Variants in CCDC85C observed in about 807,000 individuals in gnomAD.
CCDC85C encodes the protein coiled-coil domain-containing protein 85C.
In CCDC85C, 18 loss-of-function variants were observed where a neutral mutation model predicts 38.3. That is an observed-to-expected ratio of 0.47 (90% confidence interval 0.33 to 0.70). The LOEUF (loss-of-function observed/expected upper bound fraction) is 0.70. CCDC85C is among the 30% of genes least tolerant of loss of function. The probability of loss-of-function intolerance (pLI) is 0.03; values close to 1 mark genes in which losing one functional copy is unlikely to be tolerated. For synonymous variants in CCDC85C, 264 were observed against 293.8 expected, an observed-to-expected ratio of 0.90 and a Z score of 1.04; for missense variants, 566 against 621.2, an observed-to-expected ratio of 0.91 and a Z score of 0.94.
At chr14:99,555,617 A>G (rs1173547716) in intron 1 of CCDC85C, among the ~76,000 whole-genome samples, 2 of 152,230 alleles carry the variant, frequency 1.3e-5, no homozygotes, top group African/African-American at 4.8e-5. Flanking sequence ...CACTGAGGGA[A>G]AGGGGAAGCG....
rs374543000 is a variant in CCDC85C, at chr14:99,560,249, C to A, written c.794-24161G>T. On this transcript the variant is annotated intron_variant, in intron 1 of 5. Transcript: ENST00000380243. ...AGCCCTCATGCCTGCCTCATGCCTG[C>A]GGGCACCAACGCTGCAGCCAGGGCT... is the stretch of plus-strand genomic sequence containing the variant. Among the ~76,000 whole-genome samples the A allele has an allele frequency of 3.8e-3, 582 of 152,300 alleles. 7 individuals are homozygous for A. Among genetic ancestry groups the A allele is most frequent in the African/African-American group, 0.013 (528 of 41,566 alleles).
Position 99,503,608 on chromosome 14 carries a change from C to T in CCDC85C, c.*11638G>A. 2 of 1,558,114 alleles carry T rather than the reference C, an allele frequency of 1.3e-6. No homozygotes were observed. The highest frequency in any genetic ancestry group is 1.7e-6 in the Non-Finnish European group (2 of 1,148,946). ...AACAATTGTGTATTTTCTTTTGTAA[C>T]AGGTTGTTTCTCCCAAAGAAGAGAA... is the stretch of plus-strand genomic sequence containing the variant. On this transcript the variant is annotated 3_prime_UTR_variant, in exon 6 of 6. Transcript: ENST00000380243.
At chr14:99,561,379 G>A (rs948059507) in intron 1 of CCDC85C, among the ~76,000 whole-genome samples, 21 of 152,182 alleles carry the variant, frequency 1.4e-4, no homozygotes, top group African/African-American at 4.6e-4. Context: ...GGACAGCCCC[G>A]TGACCAGCTG....
chr14:99,603,447 C>CCCGCCGCCGCCGCCA lies in CCDC85C; in HGVS notation c.498_512dup (p.Gly169_Gly173dup). The CCCGCCGCCGCCGCCA allele has an allele frequency of 3.1e-6, 4 of 1,271,968 alleles. No individual in the cohort carries two copies. The highest frequency in any genetic ancestry group is 3.9e-6 in the Non-Finnish European group (4 of 1,012,962). The allele number at this position is 1,271,968 out of a possible 1,614,324, so 78.8% of individuals were successfully genotyped here. ...TGGAGCTGCGGGAGCCGGCGCCGCCCCCGCCGCCGCCGCCACCGCTTGCGG... is the reference window on the plus strand; with the variant it reads ...TGGAGCTGCGGGAGCCGGCGCCGCCCCCGCCGCCGCCGCCACCGCCGCCGCCGCCACCGCTTGCGG... On this transcript the variant is annotated inframe_insertion, in exon 1 of 6. Transcript: ENST00000380243. The surrounding 1 kb of genome is among the most constrained non-coding windows in gnomAD (Gnocchi z 7.5).
rs1012120467 is a variant in CCDC85C at position 99,506,243 on chromosome 14, G to T, written c.*9003C>A. Reference sequence around the variant, plus strand: ...CCAGAGAAAGAGGCCAGTGATGGCAGAGGAGACTCAGATCTGAGTGGTGTA... The same window carrying T: ...CCAGAGAAAGAGGCCAGTGATGGCATAGGAGACTCAGATCTGAGTGGTGTA... On this transcript the variant is annotated 3_prime_UTR_variant, in exon 6 of 6. Coordinates refer to ENST00000380243, the MANE Select transcript of CCDC85C (RefSeq NM_001144995.2). 3 of 152,290 alleles carry T rather than the reference G, an allele frequency of 2.0e-5. No individual in the cohort carries two copies. The highest frequency in any genetic ancestry group is 7.2e-5 in the African/African-American group (3 of 41,462). The allele number at this position is 152,290 out of a possible 1,614,324, so 9.4% of individuals were successfully genotyped here. A position where few individuals can be genotyped will look rare whatever the true frequency, so the allele number is the denominator to read the frequency against.
chr14:99,507,522 C>A lies in CCDC85C; in HGVS notation c.*7724G>T, dbSNP rs556485014. The stretch of plus-strand genomic sequence containing the variant: ...TCAAGGCTGCAGTGAGCTATGATTG[C>A]ACCACCGTACTCCAGCCTGGGTGAG... On this transcript the variant is annotated 3_prime_UTR_variant, in exon 6 of 6. Coordinates refer to ENST00000380243, the MANE Select transcript of CCDC85C (RefSeq NM_001144995.2). 3.7e-4 allele frequency: 77 copies of A among 208,106 alleles called. No homozygotes were observed. The highest frequency in any genetic ancestry group is 1.7e-3 in the African/African-American group (74 of 43,670). The allele number at this position is 208,106 out of a possible 1,614,324, so 12.9% of individuals were successfully genotyped here. A position where few individuals can be genotyped will look rare whatever the true frequency, so the allele number is the denominator to read the frequency against.
At position 99,511,319 on chromosome 14, in the gene CCDC85C, A is replaced by G. The variant is rs948924349; in HGVS notation, c.*3927T>C. On this transcript the variant is annotated 3_prime_UTR_variant, in exon 6 of 6. Coordinates refer to ENST00000380243, the MANE Select transcript of CCDC85C (RefSeq NM_001144995.2). ...TATTTTGAAGGGGTTGCCTCATTGG[A>G]TGGCTTTTTTTTTTTCCTCCAGGGA... 1.3e-5 allele frequency: 2 copies of G among 151,368 alleles called. No homozygotes were observed. Among genetic ancestry groups the G allele is most frequent in the Non-Finnish European group, 2.9e-5 (2 of 67,942 alleles). 9.4% of individuals were successfully genotyped at this position (151,368 alleles called of 1,614,324 possible).
In CCDC85C at chr14:99,502,024, G is replaced by T. The variant is rs946658387; in HGVS notation, c.*13222C>A. 1 of 591,410 alleles carries T rather than the reference G, an allele frequency of 1.7e-6. No individual in the cohort carries two copies. The highest frequency in any genetic ancestry group is 3.8e-5 in the Admixed American group (1 of 26,268). 36.6% of individuals were successfully genotyped at this position (591,410 alleles called of 1,614,324 possible). On this transcript the variant is annotated 3_prime_UTR_variant, in exon 6 of 6. Coordinates refer to ENST00000380243, the MANE Select transcript of CCDC85C (RefSeq NM_001144995.2). The stretch of plus-strand genomic sequence containing the variant: ...AGGAATAGAGAAATTACTAACTATG[G>T]TTAAAGTAACTTAGTCGGGTACCTT...
Position 99,603,051 on chromosome 14 carries a change from A to C in CCDC85C, c.793+116T>G. 1.7e-6 allele frequency: 2 copies of C among 1,205,576 alleles called. No homozygotes were observed. Among genetic ancestry groups the C allele is most frequent in the Non-Finnish European group, 2.1e-6 (2 of 955,800 alleles). The allele number at this position is 1,205,576 out of a possible 1,614,324, so 74.7% of individuals were successfully genotyped here. ...GCCCAGGATCCATGACAGCTGGAGG[A>C]GTCTGGAGTGGCGGCCGCATGAGTG... On this transcript the variant is annotated intron_variant, in intron 1 of 5. Coordinates refer to ENST00000380243, the MANE Select transcript of CCDC85C (RefSeq NM_001144995.2). This position sits in a 1 kb window ranked among gnomAD's most constrained non-coding sequence, Gnocchi z 7.5.
intron 1 of CCDC85C, among the ~76,000 whole-genome samples, chr14:99,537,553 G>A (rs931134494): frequency 2.0e-5 from 3 of 152,100 alleles, no homozygotes; most frequent in Non-Finnish European, 2.9e-5. Flanking sequence ...AGCCCGGCCC[G>A]GCCGCACTCA....
chr14:99,539,084 A>C (rs1897661752), intron 1 of CCDC85C, among the ~76,000 whole-genome samples: 1 of 152,254 alleles, frequency 6.6e-6, no homozygotes, highest in Non-Finnish European at 1.5e-5. Context: ...ACCAGGCTTC[A>C]TTGGGTTTTT....
chr14:99,566,842 G>C (rs1398602011), intron 1 of CCDC85C, among the ~76,000 whole-genome samples: 1 of 152,194 alleles, frequency 6.6e-6, no homozygotes, highest in African/African-American at 2.4e-5. Flanking sequence ...CCAGGGCCTT[G>C]GACATTTCAC....
Position 99,506,797 on chromosome 14 carries a change from AG to A in CCDC85C, c.*8448del. The stretch of plus-strand genomic sequence containing the variant: ...GCTCTGCTGGTCTCACATGGTCGGA[AG>A]GACTTGAGTGAAGTGGTCAGCAAGG... On this transcript the variant is annotated 3_prime_UTR_variant, in exon 6 of 6. Transcript: ENST00000380243. The A allele has an allele frequency of 2.4e-6, 1 of 422,104 alleles. No individual in the cohort carries two copies. Among genetic ancestry groups the A allele is most frequent in the Non-Finnish European group, 4.4e-6 (1 of 224,738 alleles). 26.1% of individuals were successfully genotyped at this position (422,104 alleles called of 1,614,324 possible).
At position 99,503,072 on chromosome 14, in the gene CCDC85C, A is replaced by G. The variant is rs1398960280; in HGVS notation, c.*12174T>C. On this transcript the variant is annotated 3_prime_UTR_variant, in exon 6 of 6. Transcript: ENST00000380243. ...ACTGTTCCCATTTCTAAGCGAGCAC[A>G]GGGAACACCGGAAGCAGGGGGTGTT... 4.9e-6 allele frequency: 7 copies of G among 1,425,340 alleles called. No individual in the cohort carries two copies. The highest frequency in any genetic ancestry group is 5.9e-6 in the Non-Finnish European group (6 of 1,010,026). 88.3% of individuals were successfully genotyped at this position (1,425,340 alleles called of 1,614,324 possible).
intron 2 of CCDC85C, among the ~76,000 whole-genome samples, chr14:99,528,198 C>T (rs2139908357): frequency 6.6e-6 from 1 of 152,228 alleles, no homozygotes; most frequent in African/African-American, 2.4e-5. Context: ...GCAAACACGC[C>T]TCCCACCAGG....
intron 1 of CCDC85C, among the ~76,000 whole-genome samples, chr14:99,594,977 T>C (rs897268186): frequency 5.9e-5 from 9 of 152,210 alleles, no homozygotes; most frequent in African/African-American, 1.9e-4. Flanking sequence ...CAGTTTCTAA[T>C]AGGACTTCTA....
rs201755591 is a variant in CCDC85C at position 99,515,632 on chromosome 14, G to GC, written c.1171-298dup. 3.3e-4 allele frequency among the ~76,000 whole-genome samples: 50 copies of GC among 152,080 alleles called. No individual in the cohort carries two copies. In the East Asian group the frequency reaches 6.0e-3, roughly 18 times the overall value. On this transcript the variant is annotated intron_variant, in intron 5 of 5. Coordinates refer to ENST00000380243, the MANE Select transcript of CCDC85C (RefSeq NM_001144995.2). ...GGGGCTGCACAGTTCAGAGCCTCTC[G>GC]CCCCCCCTTTAAGTCCTGGGTTCAG...
intron 1 of CCDC85C, among the ~76,000 whole-genome samples, chr14:99,554,019 T>C (rs1031597787): frequency 4.6e-5 from 7 of 152,284 alleles, no homozygotes; most frequent in South Asian, 4.1e-4. Context: ...GGACTGTGTC[T>C]TGCTCTCAGA....
Position 99,545,005 on chromosome 14 carries a change from G to A in CCDC85C, c.794-8917C>T, listed in dbSNP as rs1213954616. Among the ~76,000 whole-genome samples the A allele has an allele frequency of 1.3e-5, 2 of 152,170 alleles. No individual in the cohort carries two copies. The highest frequency in any genetic ancestry group is 2.1e-4 in the South Asian group (1 of 4,818). On this transcript the variant is annotated intron_variant, in intron 1 of 5. Coordinates refer to ENST00000380243, the MANE Select transcript of CCDC85C (RefSeq NM_001144995.2). This position sits in a 1 kb window ranked among gnomAD's most constrained non-coding sequence, Gnocchi z 4.7. ...CACAGCCGGATTAGAAATCAAACAC[G>A]CCGAGGACACCCTTCCCAGTGCCTC... is the stretch of plus-strand genomic sequence containing the variant.
Sources: gnomAD v4.1 joint callset for allele counts (sites outside exome capture counted in the v4.1 genomes callset) on GRCh38, gnomAD v4.1.1 for gene constraint, Gnocchi (gnomAD v3.1) non-coding constraint, MANE v1.5 for transcripts, NCBI Gene and HGNC (gene_info 2026-07-23, HGNC 2026-07-21) for gene names.